NCAM1: variants seen among roughly 807,000 people sequenced by gnomAD.
The protein encoded by NCAM1 is antigen recognized by monoclonal antibody 5.1H11.
A neutral mutation model predicts 109.8 loss-of-function variants in NCAM1; 14 were observed. The observed-to-expected ratio is 0.13, with a 90% CI of 0.08 to 0.20. The LOEUF is 0.20. Ranked by LOEUF, NCAM1 falls within the 10% of genes least tolerant of loss-of-function variation. The pLI is 1.00. For missense variants in NCAM1, 774 were observed against 1,109.9 expected, an observed-to-expected ratio of 0.70 and a Z score of 4.30; for synonymous variants, 418 against 442.9, an observed-to-expected ratio of 0.94 and a Z score of 0.70.
chr11:113,161,120 C>T (rs1432490585), intron 1 of NCAM1, among the ~76,000 whole-genome samples: 6 of 152,122 alleles, frequency 3.9e-5, no homozygotes, highest in Admixed American at 2.0e-4. Context: ...ACAGACCATC[C>T]GTTTTAGAAA....
intron 15 of NCAM1, among the ~76,000 whole-genome samples, chr11:113,251,541 C>G (rs1555121311): frequency 6.6e-6 from 1 of 152,110 alleles, no homozygotes; most frequent in Non-Finnish European, 1.5e-5. Context: ...TAGAAAATAC[C>G]AGAACTGCAC....
intron 9 of NCAM1, 75 bp from the exon 10 acceptor site, chr11:113,231,570 C>A: frequency 6.9e-7 from 1 of 1,441,928 alleles, no homozygotes; most frequent in Non-Finnish European, 9.5e-7. Context: ...TCCCAGCCCC[C>A]ATCCTGCCAT....
intron 1 of NCAM1, among the ~76,000 whole-genome samples, chr11:113,068,113 G>A (rs149690681): frequency 0.049 from 7,517 of 151,978 alleles, 579 homozygotes; most frequent in Admixed American, 0.16. Context: ...GGGTTTCACC[G>A]TGTTAGCCAG....
chr11:113,155,603 G>C (rs529904712), intron 1 of NCAM1, among the ~76,000 whole-genome samples: 71 of 152,212 alleles, frequency 4.7e-4, no homozygotes, highest in Middle Eastern at 6.8e-3. Flanking sequence ...GATAGCCATA[G>C]GAAATTGAGG....
chr11:112,964,025 T>C (rs1443256147), intron 1 of NCAM1, among the ~76,000 whole-genome samples: 1 of 151,798 alleles, frequency 6.6e-6, no homozygotes, highest in African/African-American at 2.4e-5. Context: ...ATGTCTTTTG[T>C]ACCATAGTTT....
chr11:113,139,567 C>T (rs1160276932), intron 1 of NCAM1, among the ~76,000 whole-genome samples: 1 of 152,164 alleles, frequency 6.6e-6, no homozygotes, highest in Non-Finnish European at 1.5e-5. Flanking sequence ...GCCATCTCTT[C>T]ATGTACACAT....
chr11:113,116,427 C>T lies in NCAM1; in HGVS notation c.53-85952C>T, dbSNP rs539772655. On this transcript the variant is annotated intron_variant, in intron 1 of 19. Transcript: ENST00000316851. ...AGGGACCATCACAACACTGCAAAGC[C>T]GCTAGAGAAATGACAGCCCAACAGA... 5.4e-4 allele frequency among the ~76,000 whole-genome samples: 82 copies of T among 152,264 alleles called. No homozygotes were observed. The Middle Eastern group carries it at 0.01, about 19-fold the overall frequency.
intron 1 of NCAM1, among the ~76,000 whole-genome samples, chr11:113,034,011 T>C (rs1952792265): frequency 6.6e-6 from 1 of 152,208 alleles, no homozygotes; most frequent in African/African-American, 2.4e-5. Context: ...CTTTTAGATT[T>C]GGCCTAGTTT....
chr11:113,194,230 G>A (rs1469037457), intron 1 of NCAM1, among the ~76,000 whole-genome samples: 4 of 152,162 alleles, frequency 2.6e-5, no homozygotes, highest in African/African-American at 9.7e-5. Flanking sequence ...ATCATCCAGG[G>A]CTCGGTTGTG....
intron 1 of NCAM1, among the ~76,000 whole-genome samples, chr11:113,117,273 C>G (rs1009246912): frequency 6.6e-6 from 1 of 151,942 alleles, no homozygotes; most frequent in Non-Finnish European, 1.5e-5. Context: ...CTAAGTTATT[C>G]ACAATTTAGT....
chr11:113,050,199 C>T (rs10891496), intron 1 of NCAM1, among the ~76,000 whole-genome samples: 71,081 of 151,546 alleles, frequency 0.47, 17,424 homozygotes, highest in East Asian at 0.82. Context: ...AGTTTATATT[C>T]GGCTGGATAT....
chr11:113,196,013 A>G (rs746870951), intron 1 of NCAM1, among the ~76,000 whole-genome samples: 3 of 151,960 alleles, frequency 2.0e-5, no homozygotes, highest in Non-Finnish European at 4.4e-5. Context: ...CTTTATGTAC[A>G]TTACCTTTCT....
At chr11:113,258,212 A>G (rs1945880902) in intron 16 of NCAM1, among the ~76,000 whole-genome samples, 1 of 152,238 alleles carries the variant, frequency 6.6e-6, no homozygotes, top group Admixed American at 6.5e-5. Context: ...TGCCTTGTGA[A>G]AAGGCCAAAG....
At chr11:112,981,223 G>A (rs1411735243) in intron 1 of NCAM1, among the ~76,000 whole-genome samples, 5 of 151,788 alleles carry the variant, frequency 3.3e-5, no homozygotes, top group Middle Eastern at 3.4e-3. Flanking sequence ...AAAAAAAACC[G>A]AAATGATGTT....
chr11:113,237,895 TAG>T (rs1179580177), intron 14 of NCAM1, among the ~76,000 whole-genome samples: 2 of 17,892 alleles, frequency 1.1e-4, no homozygotes, highest in African/African-American at 2.7e-4. Context: ...TATATAGATA[TAG>T]ATATATAGAT....
chr11:112,992,744 T>C (rs1951498288), intron 1 of NCAM1, among the ~76,000 whole-genome samples: 1 of 152,184 alleles, frequency 6.6e-6, no homozygotes, highest in African/African-American at 2.4e-5. Context: ...CCTGACCTCG[T>C]GATCCGCCAG....
chr11:113,083,542 A>G (rs1260354470), intron 1 of NCAM1, among the ~76,000 whole-genome samples: 1 of 152,156 alleles, frequency 6.6e-6, no homozygotes, highest in Admixed American at 6.5e-5. Context: ...TGTAATGGAG[A>G]TGCCCTATGG....
At chr11:113,231,210 G>A in intron 9 of NCAM1, 1 of 1,536,130 alleles carries the variant, frequency 6.5e-7, no homozygotes, top group East Asian at 2.4e-5. Flanking sequence ...ATGCACCATG[G>A]AACTGGCAAG....
In NCAM1 at chr11:113,207,948, A is replaced by C; in HGVS notation, c.862A>C (p.Ile288Leu). Residue 288 changes from isoleucine to leucine, a missense_variant, in exon 7 of 20, where the codon ATT becomes CTT. Physicochemically the swap from Ile to Leu is conservative, Grantham distance 5. Around this residue, in one of 4 missense-constraint regions of NCAM1, gnomAD observed 523 missense variants for 784.2 expected, o/e 0.67. Transcript: ENST00000316851. ...DKNDEAEYIC[I>L]AENKAGEQDA... Reference sequence around the variant, plus strand: ...GAACGACGAGGCTGAGTACATCTGCATTGCTGAGAACAAGGCTGGCGAGCA... The same window carrying C: ...GAACGACGAGGCTGAGTACATCTGCCTTGCTGAGAACAAGGCTGGCGAGCA... 1 of 1,612,544 alleles carries C rather than the reference A, an allele frequency of 6.2e-7. No individual in the cohort carries two copies. Among genetic ancestry groups the C allele is most frequent in the Non-Finnish European group, 8.5e-7 (1 of 1,179,342 alleles).
Sources: gnomAD v4.1 joint callset for allele counts (sites outside exome capture counted in the v4.1 genomes callset) on GRCh38, gnomAD v4.1.1 for gene constraint, gnomAD v4.1.1 regional missense constraint, MANE v1.5 for transcripts, NCBI Gene and HGNC (gene_info 2026-07-23, HGNC 2026-07-21) for gene names.